The following NKAIN3 variants were observed in gnomAD, a reference collection of about 807,000 sequenced individuals.
The protein encoded by NKAIN3 is sodium/potassium-transporting ATPase subunit beta-1-interacting protein 3.
A neutral mutation model predicts 30.2 loss-of-function variants in NKAIN3; 25 were observed. That is an observed-to-expected ratio of 0.83 (90% CI 0.60 to 1.16). The LOEUF (loss-of-function observed/expected upper bound fraction) is 1.16, where lower values mean the gene tolerates loss of function less well. NKAIN3 is among the 50% of genes most tolerant of loss of function. NKAIN3 has a pLI of 0.00. For missense variants in NKAIN3, 225 were observed against 254.1 expected (o/e 0.89, Z 0.78); for synonymous variants, 91 against 89.6 (o/e 1.02, Z -0.09).
At chr8:62,500,173 G>T (rs889032471) in intron 1 of NKAIN3, among the ~76,000 whole-genome samples, 3 of 152,056 alleles carry the variant, frequency 2.0e-5, no homozygotes, top group African/African-American at 7.2e-5. Flanking sequence ...GAGACCCAGA[G>T]AAGTTAAATA....
intron 3 of NKAIN3, among the ~76,000 whole-genome samples, chr8:62,743,928 A>C (rs754827787): frequency 6.6e-6 from 1 of 152,188 alleles, no homozygotes; most frequent in Non-Finnish European, 1.5e-5. Flanking sequence ...CCTTTAGACA[A>C]GGTAAGTCAG....
At chr8:62,274,594 T>A (rs190889061) in intron 1 of NKAIN3, among the ~76,000 whole-genome samples, 32 of 152,302 alleles carry the variant, frequency 2.1e-4, no homozygotes, top group South Asian at 1.0e-3. Context: ...CATTTTTTTT[T>A]AAATTTAGTT....
chr8:62,548,350 G>A (rs1809082376), intron 1 of NKAIN3, among the ~76,000 whole-genome samples: 1 of 152,180 alleles, frequency 6.6e-6, no homozygotes, highest in Non-Finnish European at 1.5e-5. Context: ...TGGTAGTGTT[G>A]ATGAAATGGT....
chr8:62,579,757 G>A, intron 2 of NKAIN3, 81 bp downstream of exon 2: 2 of 797,096 alleles, frequency 2.5e-6, no homozygotes, highest in Non-Finnish European at 3.5e-6. Context: ...TTTCTAAGTG[G>A]CCCCTTCTGA....
downstream of NKAIN3, among the ~76,000 whole-genome samples, chr8:62,988,765 A>T (rs1015173527): frequency 4.6e-5 from 7 of 152,226 alleles, no homozygotes; most frequent in African/African-American, 1.7e-4. Context: ...TGTCTTAGTG[A>T]TTAGCATTTC....
downstream of NKAIN3, among the ~76,000 whole-genome samples, chr8:62,985,923 T>C (rs1047754700): frequency 6.6e-6 from 1 of 152,230 alleles, no homozygotes; most frequent in Non-Finnish European, 1.5e-5. Flanking sequence ...TAAAAATTCA[T>C]ACTTTTTTTT....
intron 5 of NKAIN3, among the ~76,000 whole-genome samples, chr8:62,930,915 G>A (rs1822600919): frequency 1.3e-5 from 2 of 151,816 alleles, no homozygotes; most frequent in South Asian, 4.2e-4. Flanking sequence ...CACCATGTTA[G>A]CCAGGATGAT....
intron 5 of NKAIN3, among the ~76,000 whole-genome samples, chr8:62,996,138 T>C (rs866221353): frequency 1.3e-5 from 2 of 152,236 alleles, no homozygotes; most frequent in Non-Finnish European, 2.9e-5. Flanking sequence ...AAAAAGATAC[T>C]ACCTGAAACT....
rs539212490 is a variant in NKAIN3, at chr8:62,460,320, G to A, written c.55-119219G>A. Among the ~76,000 whole-genome samples the A allele has an allele frequency of 1.0e-3, 153 of 151,634 alleles. 3 individuals are homozygous for A. Among genetic ancestry groups the A allele is most frequent in the African/African-American group, 3.6e-3 (149 of 41,300 alleles). On this transcript the variant is annotated intron_variant, in intron 1 of 6. Coordinates refer to ENST00000623646, the MANE Select transcript of NKAIN3 (RefSeq NM_001304533.3). Reference sequence around the variant, plus strand: ...CCAGCTACTTGGGAGGCTGAGGCAGGAGAATCACTTGAACCCAGGAGGCTG... The same window carrying A: ...CCAGCTACTTGGGAGGCTGAGGCAGAAGAATCACTTGAACCCAGGAGGCTG...
intron 1 of NKAIN3, among the ~76,000 whole-genome samples, chr8:62,319,043 C>A (rs1218279221): frequency 1.3e-5 from 2 of 152,166 alleles, no homozygotes. Context: ...GATTCAGCTT[C>A]TTCCTGGTTT....
rs190939667 is a variant in NKAIN3, at chr8:62,729,147, G to A, written c.274-17785G>A. 2.0e-5 allele frequency among the ~76,000 whole-genome samples: 3 copies of A among 150,652 alleles called. No homozygotes were observed. The Admixed American group carries it at 2.0e-4, about 10-fold the overall frequency. On this transcript the variant is annotated intron_variant, in intron 3 of 6. Transcript: ENST00000623646. ...AATAAATATTTGATAAAAGAGTGTT[G>A]TCCAACATACACAATGTACTCTGAA...
At chr8:62,335,014 TC>T (rs1815492613) in intron 1 of NKAIN3, among the ~76,000 whole-genome samples, 1 of 152,056 alleles carries the variant, frequency 6.6e-6, no homozygotes, top group South Asian at 2.1e-4. Context: ...CAGCATAGCT[TC>T]CATAATACTG....
At chr8:62,646,421 G>C (rs991668026) in intron 3 of NKAIN3, among the ~76,000 whole-genome samples, 1 of 152,054 alleles carries the variant, frequency 6.6e-6, no homozygotes, top group Non-Finnish European at 1.5e-5. Context: ...CTCCAAATAA[G>C]TCATTTAAGA....
intron 1 of NKAIN3, among the ~76,000 whole-genome samples, chr8:62,378,424 ACCAAGACTAGG>A (rs1817165212): frequency 6.6e-6 from 1 of 152,228 alleles, no homozygotes; most frequent in South Asian, 2.1e-4. Context: ...AAATGCTAAT[ACCAAGACTAGG>A]GGAAAATGTC....
intron 3 of NKAIN3, among the ~76,000 whole-genome samples, chr8:62,591,580 G>C (rs1810654827): frequency 6.6e-6 from 1 of 151,864 alleles, no homozygotes; most frequent in Non-Finnish European, 1.5e-5. Context: ...ATATCCATGT[G>C]CATGTCTAAA....
intron 1 of NKAIN3, among the ~76,000 whole-genome samples, chr8:62,415,083 ATATAC>A (rs911330177): frequency 6.9e-6 from 1 of 144,426 alleles, no homozygotes. Flanking sequence ...TTTATACTAT[ATATAC>A]TATATTACAT....
intron 4 of NKAIN3, among the ~76,000 whole-genome samples, chr8:62,874,375 G>T (rs1185659430): frequency 6.6e-6 from 1 of 152,052 alleles, no homozygotes; most frequent in African/African-American, 2.4e-5. Flanking sequence ...GGACCAGATG[G>T]ATTCATAGCT....
chr8:62,915,148 A>C (rs1822052499), intron 4 of NKAIN3, among the ~76,000 whole-genome samples: 1 of 152,192 alleles, frequency 6.6e-6, no homozygotes, highest in African/African-American at 2.4e-5. Flanking sequence ...GCGAGTCTAA[A>C]TATGAGTTCA....
At chr8:62,482,741 A>C (rs1685735601) in intron 1 of NKAIN3, 1 of 152,202 alleles carries the variant, frequency 6.6e-6, no homozygotes, top group Non-Finnish European at 1.5e-5. Context: ...CTACATTTGC[A>C]GGGGCCGGCC....
Sources: gnomAD v4.1 joint callset for allele counts (sites outside exome capture counted in the v4.1 genomes callset) on GRCh38, gnomAD v4.1.1 for gene constraint, MANE v1.5 for transcripts, NCBI Gene and HGNC (gene_info 2026-07-23, HGNC 2026-07-21) for gene names.